Variants in FREM1 observed in about 807,000 individuals in gnomAD.
FREM1 encodes FRAS1-related extracellular matrix protein 1.
A neutral mutation model predicts 210.1 loss-of-function variants in FREM1; 220 were observed. That is an observed-to-expected ratio of 1.05 (90% confidence interval 0.94 to 1.17). The LOEUF is 1.17. Ranked by LOEUF, FREM1 falls within the 50% of genes most tolerant of loss-of-function variation. The probability of loss-of-function intolerance (pLI) is 0.00; values close to 1 mark genes in which losing one functional copy is unlikely to be tolerated. For synonymous variants in FREM1, 1,189 were observed against 980.2 expected (o/e 1.21, Z -3.98); for missense variants, 3,454 against 2,675.5 (o/e 1.29, Z -6.42).
At chr9:14,741,757 T>C (rs181193964) in intron 35 of FREM1, among the ~76,000 whole-genome samples, 63 of 152,366 alleles carry the variant, frequency 4.1e-4, no homozygotes, top group African/African-American at 1.5e-3. Context: ...CTAATTCTCT[T>C]ATTGAACTAA....
In FREM1 at chr9:14,861,004, CAT is replaced by C. The variant is rs1200268192; in HGVS notation, c.330-1522_330-1521del. ...ATACACATATATACATATATATACA[CAT>C]ATATACATATATACACATATATACA... is the stretch of plus-strand genomic sequence containing the variant. On this transcript the variant is annotated intron_variant, in intron 3 of 36. Transcript: ENST00000380880. Among the ~76,000 whole-genome samples the C allele has an allele frequency of 2.8e-4, 27 of 95,776 alleles. 3 individuals are homozygous for C. The highest frequency in any genetic ancestry group is 0.021 in the Middle Eastern group (2 of 96). The allele number at this position is 95,776 out of a possible 152,430, so 62.8% of individuals were successfully genotyped here. A position where few individuals can be genotyped will look rare whatever the true frequency, so the allele number is the denominator to read the frequency against.
intron 8 of FREM1, among the ~76,000 whole-genome samples, chr9:14,844,747 G>A (rs2131268808): frequency 6.6e-6 from 1 of 152,314 alleles, no homozygotes; most frequent in East Asian, 1.9e-4. Context: ...AGTTGTATGT[G>A]ACATAGTTTG....
At chr9:14,752,104 T>C (rs543190300) in intron 29 of FREM1, among the ~76,000 whole-genome samples, 1 of 151,844 alleles carries the variant, frequency 6.6e-6, no homozygotes, top group African/African-American at 2.4e-5. Context: ...TTGCATTAGA[T>C]GCTATGGAGA....
chr9:14,792,626 T>C (rs1179112039), intron 22 of FREM1, 117 bp downstream of exon 22: 3 of 760,594 alleles, frequency 3.9e-6, no homozygotes, highest in Non-Finnish European at 5.8e-6. Flanking sequence ...TTAAATTTTC[T>C]ACTTCTAGGC....
At position 14,833,637 on chromosome 9, in the gene FREM1, AC is replaced by A. The variant is rs769167640; in HGVS notation, c.1881+7809del. ...TAACATTCAAAAGCTGAAAATCTTTACTGCTTGGTGTAGCTAAAGTCAAGTA... is the reference window on the plus strand; with the variant it reads ...TAACATTCAAAAGCTGAAAATCTTTATGCTTGGTGTAGCTAAAGTCAAGTA... On this transcript the variant is annotated intron_variant, in intron 10 of 36. Transcript: ENST00000380880. Among the ~76,000 whole-genome samples, 3 of 152,216 alleles carry A rather than the reference AC, an allele frequency of 2.0e-5. No homozygotes were observed. The East Asian group carries it at 5.8e-4, about 29-fold the overall frequency.
chr9:14,750,854 T>TG (rs111720030), intron 29 of FREM1, among the ~76,000 whole-genome samples: 14 of 152,320 alleles, frequency 9.2e-5, no homozygotes, highest in African/African-American at 1.7e-4. Context: ...ATTTATGGGC[T>TG]GGGGGTTCTA....
chr9:14,812,661 T>C, intron 16 of FREM1, 151 bp downstream of exon 16: 2 of 728,728 alleles, frequency 2.7e-6, no homozygotes, highest in Non-Finnish European at 4.5e-6. Context: ...TATATGGTGA[T>C]CATGCTGGAA....
chr9:14,859,885 T>C (rs1160339428), intron 3 of FREM1, among the ~76,000 whole-genome samples: 6 of 152,172 alleles, frequency 3.9e-5, no homozygotes, highest in Non-Finnish European at 7.4e-5. Context: ...TCAGGCCTTT[T>C]TGCCCTTCAG....
intron 28 of FREM1, among the ~76,000 whole-genome samples, chr9:14,757,083 G>T (rs1844525611): frequency 6.6e-6 from 1 of 152,192 alleles, no homozygotes; most frequent in Non-Finnish European, 1.5e-5. Context: ...GGACTTTCAA[G>T]GACCCCGTCA....
chr9:14,750,370 C>T (rs1399320292), intron 29 of FREM1, 94 bp from the exon 30 acceptor site: 2 of 942,372 alleles, frequency 2.1e-6, no homozygotes, highest in African/African-American at 1.7e-5. Context: ...TACAGCTAGA[C>T]TGCAGTAGCC....
chr9:14,832,875 C>T (rs372685436), intron 10 of FREM1, among the ~76,000 whole-genome samples: 1 of 152,118 alleles, frequency 6.6e-6, no homozygotes, highest in Non-Finnish European at 1.5e-5. Flanking sequence ...GTATGCTTTG[C>T]GTGTCTTTCT....
chr9:14,754,558 G>A (rs1843948395), intron 29 of FREM1, among the ~76,000 whole-genome samples: 1 of 152,108 alleles, frequency 6.6e-6, no homozygotes, highest in Admixed American at 6.5e-5. Context: ...TGGAACTAGG[G>A]TAATTACAGG....
At chr9:14,797,382 G>T (rs945025985) in intron 21 of FREM1, 116 bp downstream of exon 21, 2 of 732,054 alleles carry the variant, frequency 2.7e-6, no homozygotes, top group Non-Finnish European at 4.1e-6. Flanking sequence ...GGCAAGCTGT[G>T]ACAGGAGCTA....
chr9:14,857,961 C>G (rs1829099841), intron 4 of FREM1, among the ~76,000 whole-genome samples: 1 of 152,090 alleles, frequency 6.6e-6, no homozygotes, highest in Non-Finnish European at 1.5e-5. Flanking sequence ...CTCATCGTGC[C>G]CTCACCCACC....
At chr9:14,833,862 A>G (rs1180028434) in intron 10 of FREM1, among the ~76,000 whole-genome samples, 1 of 152,180 alleles carries the variant, frequency 6.6e-6, no homozygotes, top group African/African-American at 2.4e-5. Context: ...CATGCCTGAA[A>G]GGCTCTAAGA....
chr9:14,750,478 G>A (rs1054911304), intron 29 of FREM1, among the ~76,000 whole-genome samples: 44 of 152,154 alleles, frequency 2.9e-4, no homozygotes, highest in African/African-American at 9.4e-4. Context: ...TGATGTTTCC[G>A]TTTAAATGCA....
chr9:14,744,280 A>G (rs1842047174), intron 35 of FREM1, among the ~76,000 whole-genome samples: 1 of 152,134 alleles, frequency 6.6e-6, no homozygotes, highest in Admixed American at 6.5e-5. Context: ...TAAAATGAAT[A>G]GATTTTTAAA....
At chr9:14,841,753 AAAT>A (rs1825733358) in intron 9 of FREM1, among the ~76,000 whole-genome samples, 164 bp from the exon 10 acceptor site, 1 of 152,234 alleles carries the variant, frequency 6.6e-6, no homozygotes, top group South Asian at 2.1e-4. Flanking sequence ...TAAAGCAGAA[AAAT>A]AATAAATAAT....
Position 14,823,256 on chromosome 9 carries a change from G to T in FREM1, c.2241C>A (p.Val747=). The T allele has an allele frequency of 6.2e-7, 1 of 1,613,878 alleles. No individual in the cohort carries two copies. ...GGTTACTGACAGAAAATGTGAACTG[G>T]ACATCTCTGCAATGGGGACCAATGT... is the stretch of plus-strand genomic sequence containing the variant. ...MQDIGPHCRD[V]QFTFSVSNQH... Residue 747 remains valine, a synonymous_variant, in exon 13 of 37, where the codon GTC becomes GTA. Coordinates refer to ENST00000380880, the MANE Select transcript of FREM1 (RefSeq NM_001379081.2).
Sources: allele counts gnomAD v4.1 joint callset (sites outside exome capture counted in the v4.1 genomes callset), GRCh38; gene constraint gnomAD v4.1.1; transcripts MANE v1.5; gene names NCBI Gene and HGNC (gene_info 2026-07-23, HGNC 2026-07-21).